The following STK32B variants were observed in gnomAD, a reference collection of about 807,000 sequenced individuals.
STK32B encodes the protein serine/threonine kinase 32B.
A neutral mutation model predicts 52.6 loss-of-function variants in STK32B; 43 were observed. That is an observed-to-expected ratio of 0.82 (90% CI 0.64 to 1.05). The LOEUF (loss-of-function observed/expected upper bound fraction) is 1.05, where lower values mean the gene tolerates loss of function less well. Ranked by LOEUF, STK32B falls within the 50% of genes least tolerant of loss-of-function variation. The pLI is 0.00. For missense variants in STK32B, 621 were observed against 534.6 expected, an observed-to-expected ratio of 1.16 and a Z score of -1.59; for synonymous variants, 238 against 204.3, an observed-to-expected ratio of 1.17 and a Z score of -1.41.
intron 4 of STK32B, among the ~76,000 whole-genome samples, chr4:5,344,398 T>C (rs950034720): frequency 6.6e-6 from 1 of 152,242 alleles, no homozygotes; most frequent in East Asian, 1.9e-4. Flanking sequence ...CGATGACCTA[T>C]GATGCACTGT....
At chr4:5,336,167 C>G (rs1259099395) in intron 4 of STK32B, among the ~76,000 whole-genome samples, 2 of 148,388 alleles carry the variant, frequency 1.3e-5, no homozygotes, top group Non-Finnish European at 3.0e-5. Context: ...CACCCACACA[C>G]CCACCCACAC....
chr4:5,382,643 T>G (rs558757344), intron 4 of STK32B, among the ~76,000 whole-genome samples: 2 of 152,264 alleles, frequency 1.3e-5, no homozygotes, highest in African/African-American at 4.8e-5. Flanking sequence ...CCAGTCTCAG[T>G]TTTACTGCTT....
intron 4 of STK32B, among the ~76,000 whole-genome samples, chr4:5,358,130 C>T (rs1734300290): frequency 6.6e-6 from 1 of 152,116 alleles, no homozygotes; most frequent in Non-Finnish European, 1.5e-5. Flanking sequence ...CAAGAGAATC[C>T]AATTTATTCC....
intron 4 of STK32B, among the ~76,000 whole-genome samples, chr4:5,374,075 G>A (rs528616490): frequency 2.1e-3 from 318 of 152,334 alleles, no homozygotes; most frequent in African/African-American, 7.5e-3. Context: ...GAGGGGAGAA[G>A]GCCATGTGAA....
At chr4:5,440,536 C>T (rs1392766575) in intron 6 of STK32B, among the ~76,000 whole-genome samples, 1 of 152,206 alleles carries the variant, frequency 6.6e-6, no homozygotes, top group East Asian at 1.9e-4. Flanking sequence ...GATATACAAT[C>T]ATGTCATCTG....
At chr4:5,315,085 G>A (rs1401030051) in intron 3 of STK32B, among the ~76,000 whole-genome samples, 2 of 152,088 alleles carry the variant, frequency 1.3e-5, no homozygotes, top group Non-Finnish European at 2.9e-5. Context: ...TTTGACAAAG[G>A]ACTTGTATCT....
chr4:5,488,150 T>C (rs910295461), intron 11 of STK32B, among the ~76,000 whole-genome samples: 2 of 152,060 alleles, frequency 1.3e-5, no homozygotes, highest in African/African-American at 4.8e-5. Context: ...AATACAAAAA[T>C]TAGCTAGGTA....
At chr4:5,376,426 C>G (rs1393184351) in intron 4 of STK32B, among the ~76,000 whole-genome samples, 3 of 152,016 alleles carry the variant, frequency 2.0e-5, no homozygotes, top group African/African-American at 4.8e-5. Flanking sequence ...TCCCCTGCCC[C>G]CCTCTCTCCC....
chr4:5,387,585 C>T (rs1412029013), intron 4 of STK32B, among the ~76,000 whole-genome samples: 1 of 152,074 alleles, frequency 6.6e-6, no homozygotes, highest in Non-Finnish European at 1.5e-5. Flanking sequence ...GGCACTCCAG[C>T]CGTGCATGCA....
At chr4:5,392,793 A>G (rs1458547834) in intron 4 of STK32B, among the ~76,000 whole-genome samples, 2 of 152,196 alleles carry the variant, frequency 1.3e-5, no homozygotes, top group African/African-American at 4.8e-5. Flanking sequence ...CACACTGCAC[A>G]TGGCTAAATC....
intron 3 of STK32B, among the ~76,000 whole-genome samples, chr4:5,307,311 T>G (rs1181476620): frequency 6.6e-6 from 1 of 152,178 alleles, no homozygotes; most frequent in African/African-American, 2.4e-5. Flanking sequence ...AATCCCAAAC[T>G]TCTTGGAGGC....
At chr4:5,339,620 T>C (rs1732937738) in intron 4 of STK32B, among the ~76,000 whole-genome samples, 1 of 152,190 alleles carries the variant, frequency 6.6e-6, no homozygotes, top group Non-Finnish European at 1.5e-5. Flanking sequence ...GTGTTGCTTC[T>C]TTCAAAGTAG....
intron 6 of STK32B, among the ~76,000 whole-genome samples, chr4:5,442,576 T>G (rs944992157): frequency 1.3e-5 from 2 of 151,374 alleles, no homozygotes; most frequent in African/African-American, 4.8e-5. Flanking sequence ...AGTCTGTGTC[T>G]TTTAATTGGA....
intron 3 of STK32B, among the ~76,000 whole-genome samples, 156 bp downstream of exon 3, chr4:5,168,606 T>A (rs1332096843): frequency 6.6e-6 from 1 of 152,268 alleles, no homozygotes; most frequent in Non-Finnish European, 1.5e-5. Flanking sequence ...GTACATTTTC[T>A]GATGAAGTCT....
intron 4 of STK32B, among the ~76,000 whole-genome samples, chr4:5,369,170 C>T (rs1735071011): frequency 6.6e-6 from 1 of 151,810 alleles, no homozygotes; most frequent in Non-Finnish European, 1.5e-5. Context: ...ACTCTTCTTC[C>T]ATCTCGCTGC....
intron 3 of STK32B, among the ~76,000 whole-genome samples, chr4:5,330,793 A>C (rs1317318597): frequency 6.6e-6 from 1 of 152,234 alleles, no homozygotes; most frequent in African/African-American, 2.4e-5. Context: ...AACAAGCTCC[A>C]TATGGAGAGC....
intron 3 of STK32B, among the ~76,000 whole-genome samples, chr4:5,192,470 A>G (rs1254521585): frequency 6.6e-6 from 1 of 152,220 alleles, no homozygotes; most frequent in East Asian, 1.9e-4. Flanking sequence ...TTACACACAC[A>G]CGCTACAGAA....
At chr4:5,482,897 T>C (rs1191631934) in intron 11 of STK32B, among the ~76,000 whole-genome samples, 3 of 152,236 alleles carry the variant, frequency 2.0e-5, no homozygotes, top group African/African-American at 7.2e-5. Flanking sequence ...ATTTATTGAT[T>C]TGCATATGTT....
intron 8 of STK32B, among the ~76,000 whole-genome samples, chr4:5,459,282 G>GCCCCCCCC (rs55688341): frequency 6.0e-5 from 8 of 133,042 alleles, no homozygotes; most frequent in African/African-American, 8.6e-5. Context: ...ACCCTGGTGT[G>GCCCCCCCC]CCCCCCCCCC....
Sources: allele counts gnomAD v4.1 joint callset (sites outside exome capture counted in the v4.1 genomes callset), GRCh38; gene constraint gnomAD v4.1.1; transcripts MANE v1.5; gene names NCBI Gene and HGNC (gene_info 2026-07-23, HGNC 2026-07-21).